Variants in ADAMTSL3 observed in about 807,000 individuals in gnomAD.
ADAMTSL3 encodes ADAMTS like 3.
Under a neutral mutation model 201.7 loss-of-function variants are expected in ADAMTSL3, and 128 were observed. The observed-to-expected ratio is 0.63, with a 90% CI of 0.55 to 0.73. The LOEUF is 0.73. Ranked by LOEUF, ADAMTSL3 falls within the 30% of genes least tolerant of loss-of-function variation. ADAMTSL3 has a pLI of 0.00. For synonymous variants in ADAMTSL3, 738 were observed against 748.4 expected, an observed-to-expected ratio of 0.99 and a Z score of 0.23; for missense variants, 1,990 against 2,119.6, an observed-to-expected ratio of 0.94 and a Z score of 1.20.
intron 19 of ADAMTSL3, among the ~76,000 whole-genome samples, chr15:83,964,221 C>T (rs1465943274): frequency 6.6e-6 from 1 of 152,028 alleles, no homozygotes; most frequent in East Asian, 1.9e-4. Context: ...TAATAACAAA[C>T]TCCTCCAAGT....
intron 3 of ADAMTSL3, among the ~76,000 whole-genome samples, chr15:83,710,926 C>T (rs557378030): frequency 2.6e-5 from 4 of 152,278 alleles, no homozygotes; most frequent in African/African-American, 9.6e-5. Flanking sequence ...AGTGCCCGTT[C>T]TTTGCCCTTA....
intron 7 of ADAMTSL3, among the ~76,000 whole-genome samples, chr15:83,853,407 A>G (rs962837957): frequency 3.9e-5 from 6 of 152,162 alleles, no homozygotes; most frequent in Non-Finnish European, 5.9e-5. Context: ...CATTTCCCCA[A>G]TTAAACAGCA....
chr15:84,036,230 A>G (rs1419808617), intron 28 of ADAMTSL3, among the ~76,000 whole-genome samples: 3 of 152,236 alleles, frequency 2.0e-5, no homozygotes, highest in Non-Finnish European at 4.4e-5. Flanking sequence ...AATCAGAGAT[A>G]GATTCTTATT....
intron 2 of ADAMTSL3, among the ~76,000 whole-genome samples, chr15:83,675,352 C>G (rs2061388237): frequency 6.6e-6 from 1 of 151,962 alleles, no homozygotes; most frequent in Admixed American, 6.6e-5. Context: ...ATGTGAAATG[C>G]TCTTTTCCGC....
At chr15:83,860,710 A>G (rs1466399265) in intron 8 of ADAMTSL3, among the ~76,000 whole-genome samples, 1 of 152,222 alleles carries the variant, frequency 6.6e-6, no homozygotes, top group African/African-American at 2.4e-5. Context: ...CCGAATAGGA[A>G]TAGCTCCAGT....
intron 17 of ADAMTSL3, among the ~76,000 whole-genome samples, chr15:83,940,811 C>A (rs1276498851): frequency 1.3e-5 from 2 of 152,030 alleles, no homozygotes; most frequent in African/African-American, 4.8e-5. Flanking sequence ...TTATAATATG[C>A]ATAAAATAAA....
In ADAMTSL3 at chr15:83,660,220, G is replaced by A. The variant is rs146539421; in HGVS notation, c.69+4390G>A. Among the ~76,000 whole-genome samples, 30 of 152,302 alleles carry A rather than the reference G, an allele frequency of 2.0e-4. No homozygotes were observed. The East Asian group carries it at 5.8e-3, about 29-fold the overall frequency. ...AAGAAGTGCCATTTGAGTATTGGTG[G>A]CTTAGTCCAGGCCTCTTATTCACCT... On this transcript the variant is annotated intron_variant, in intron 2 of 29. Coordinates refer to ENST00000286744, the MANE Select transcript of ADAMTSL3 (RefSeq NM_207517.3).
At chr15:83,678,812 A>AT (rs71156091) in intron 2 of ADAMTSL3, among the ~76,000 whole-genome samples, 41 of 142,104 alleles carry the variant, frequency 2.9e-4, no homozygotes, top group African/African-American at 6.1e-4. Context: ...ATATTTATAT[A>AT]ATATAAAATA....
intron 2 of ADAMTSL3, among the ~76,000 whole-genome samples, chr15:83,704,126 C>G (rs558838953): frequency 1.3e-5 from 2 of 151,910 alleles, no homozygotes; most frequent in African/African-American, 4.8e-5. Context: ...GCAGAGGTAG[C>G]GGGGAGGGGG....
At chr15:83,838,311 AG>A in intron 7 of ADAMTSL3, 96 bp downstream of exon 7, 1 of 1,437,884 alleles carries the variant, frequency 7.0e-7, no homozygotes, top group East Asian at 2.5e-5. Context: ...AAGCTTTTTT[AG>A]TTGGAAGTAG....
At chr15:83,816,681 A>G (rs970676325) in intron 5 of ADAMTSL3, among the ~76,000 whole-genome samples, 1 of 152,240 alleles carries the variant, frequency 6.6e-6, no homozygotes, top group Non-Finnish European at 1.5e-5. Flanking sequence ...TCCTATGGCC[A>G]GATGGAGGAT....
chr15:83,719,134 G>T (rs1398996811), intron 3 of ADAMTSL3, among the ~76,000 whole-genome samples: 1 of 152,158 alleles, frequency 6.6e-6, no homozygotes, highest in African/African-American at 2.4e-5. Context: ...TAGGATTCTT[G>T]CCTTCTATGG....
intron 17 of ADAMTSL3, among the ~76,000 whole-genome samples, chr15:83,928,513 G>A (rs1387985414): frequency 6.6e-6 from 1 of 152,072 alleles, no homozygotes; most frequent in South Asian, 2.1e-4. Flanking sequence ...AACATGAAAG[G>A]CACTTCAAAT....
At chr15:83,918,287 A>T (rs74026618) in intron 16 of ADAMTSL3, among the ~76,000 whole-genome samples, 3,064 of 152,290 alleles carry the variant, frequency 0.02, 111 homozygotes, top group African/African-American at 0.07. Context: ...GTATGTTTCT[A>T]TGTGCCAGGC....
chr15:83,764,095 C>G (rs926963533), intron 3 of ADAMTSL3, among the ~76,000 whole-genome samples: 1 of 152,212 alleles, frequency 6.6e-6, no homozygotes, highest in African/African-American at 2.4e-5. Flanking sequence ...ATCTGGTCAG[C>G]TGCCAGCTCC....
At chr15:83,946,134 T>C (rs1596452451) in intron 19 of ADAMTSL3, among the ~76,000 whole-genome samples, 2 of 152,330 alleles carry the variant, frequency 1.3e-5, no homozygotes. Flanking sequence ...GCTTCTGTCC[T>C]TGCTTCTTTC....
intron 3 of ADAMTSL3, among the ~76,000 whole-genome samples, chr15:83,723,802 T>C (rs989094196): frequency 1.3e-5 from 2 of 152,144 alleles, no homozygotes; most frequent in Admixed American, 1.3e-4. Flanking sequence ...TTAAATTTTC[T>C]TTTAAATGTA....
At chr15:84,034,188 GC>G (rs2068458739) in intron 28 of ADAMTSL3, among the ~76,000 whole-genome samples, 1 of 151,866 alleles carries the variant, frequency 6.6e-6, no homozygotes, top group African/African-American at 2.4e-5. Flanking sequence ...CAGTGTTTTA[GC>G]CCCCTTTTCC....
chr15:83,807,981 T>A (rs2063627683), intron 5 of ADAMTSL3, among the ~76,000 whole-genome samples: 1 of 151,942 alleles, frequency 6.6e-6, no homozygotes, highest in Admixed American at 6.6e-5. Flanking sequence ...GTGTACAAAA[T>A]CCACTAAAAA....
Sources: gnomAD v4.1 joint callset for allele counts (sites outside exome capture counted in the v4.1 genomes callset) on GRCh38, gnomAD v4.1.1 for gene constraint, MANE v1.5 for transcripts, NCBI Gene and HGNC (gene_info 2026-07-23, HGNC 2026-07-21) for gene names.